The following NAA16 variants were observed in gnomAD, a reference collection of about 807,000 sequenced individuals.
NAA16 encodes NARG1-like protein.
Under a neutral mutation model 110.3 loss-of-function variants are expected in NAA16, and 97 were observed. The ratio of observed to expected loss-of-function variants is 0.88; its 90% CI spans 0.75 to 1.04. The LOEUF is 1.04. Among genes scored for constraint, NAA16 ranks in the 50% least tolerant of loss-of-function variants. The pLI, the probability that NAA16 is intolerant of heterozygous loss-of-function variation, is 0.00. For missense variants in NAA16, 1,017 were observed against 1,005.1 expected (o/e 1.01, Z -0.16); for synonymous variants, 372 against 330.6 (o/e 1.13, Z -1.36).
chr13:41,322,534 C>T (rs1242126545), intron 4 of NAA16, among the ~76,000 whole-genome samples: 1 of 151,956 alleles, frequency 6.6e-6, no homozygotes, highest in African/African-American at 2.4e-5. Flanking sequence ...CAAGAGTTGG[C>T]AGAGAAAATA....
chr13:41,366,946 G>T (rs1452819098), intron 13 of NAA16, among the ~76,000 whole-genome samples: 1 of 152,114 alleles, frequency 6.6e-6, no homozygotes, highest in Admixed American at 6.5e-5. Flanking sequence ...CTGAATGTCT[G>T]CTATGTATTA....
intron 9 of NAA16, among the ~76,000 whole-genome samples, chr13:41,349,015 A>G (rs916482022): frequency 6.6e-6 from 1 of 151,842 alleles, no homozygotes; most frequent in African/African-American, 2.4e-5. Context: ...AGTGTTCTCT[A>G]TTTTTTACTT....
At position 41,376,774 on chromosome 13, in the gene NAA16, G is replaced by A. The variant is rs1388346251; in HGVS notation, c.*1172G>A. 1 of 152,146 alleles carries A rather than the reference G, an allele frequency of 6.6e-6. No homozygotes were observed. Among genetic ancestry groups the A allele is most frequent in the African/African-American group, 2.4e-5 (1 of 41,426 alleles). The allele number at this position is 152,146 out of a possible 1,614,324, so 9.4% of individuals were successfully genotyped here. ...GTTAAACAGTATTTTTTGGGGGCGGGTGGATAGCTTTTTGTTCTATCTTGT... is the reference window on the plus strand; with the variant it reads ...GTTAAACAGTATTTTTTGGGGGCGGATGGATAGCTTTTTGTTCTATCTTGT... On this transcript the variant is annotated 3_prime_UTR_variant, in exon 20 of 20. Transcript: ENST00000379406.
intron 14 of NAA16, 28 bp from the exon 15 acceptor site, chr13:41,369,062 A>G: frequency 6.5e-7 from 1 of 1,541,750 alleles, no homozygotes; most frequent in Non-Finnish European, 8.7e-7. Flanking sequence ...ACATTGGCTC[A>G]GAATTTTGTT....
chr13:41,358,957 A>T lies in NAA16; in HGVS notation c.1405A>T (p.Thr469Ser). The T allele has an allele frequency of 6.2e-7, 1 of 1,604,862 alleles. No homozygotes were observed. The highest frequency in any genetic ancestry group is 8.5e-7 in the Non-Finnish European group (1 of 1,173,708). Residue 469 changes from threonine (T) to serine (S), a missense_variant, in exon 12 of 20, where the codon ACA (threonine) becomes TCA (serine). Physicochemically the swap from Thr to Ser is moderately conservative, Grantham distance 58. Coordinates refer to ENST00000379406, the MANE Select transcript of NAA16 (RefSeq NM_024561.5). Reference sequence around the variant, plus strand: ...AGCAGAGGAAATGTGCTCCAAGTTCACAAGGGTAGGAAATAGCATGCATGA... The same window carrying T: ...AGCAGAGGAAATGTGCTCCAAGTTCTCAAGGGTAGGAAATAGCATGCATGA... ...KEAEEMCSKF[T>S]REGTSAMENL...
At chr13:41,323,627 C>G (rs2042006542) in intron 5 of NAA16, among the ~76,000 whole-genome samples, 1 of 151,838 alleles carries the variant, frequency 6.6e-6, no homozygotes, top group Non-Finnish European at 1.5e-5. Context: ...GCTGGGATTA[C>G]AGGCGTGAGC....
chr13:41,372,816 G>A lies in NAA16; in HGVS notation c.2141G>A (p.Arg714Lys). 1 of 1,579,600 alleles carries A rather than the reference G, an allele frequency of 6.3e-7. No individual in the cohort carries two copies. Among genetic ancestry groups the A allele is most frequent in the Non-Finnish European group, 8.6e-7 (1 of 1,158,916 alleles). The change falls in exon 17 of 20, where the codon AGA (arginine) becomes AAA (lysine). Residue 714 changes from arginine (R) to lysine (K), a missense_variant. By Grantham distance (26) the Arg-to-Lys change is conservative. Transcript: ENST00000379406. ...CCATGGTTACATGAATGTTTAATTA[G>A]ATTTTCTAAATCTGGTAAGTATAAA... ...NNPWLHECLI[R>K]FSKSVSNHSN...
intron 13 of NAA16, among the ~76,000 whole-genome samples, chr13:41,364,044 A>G (rs2043163500): frequency 2.0e-5 from 3 of 150,200 alleles, no homozygotes; most frequent in African/African-American, 7.4e-5. Flanking sequence ...TTTCTAATCT[A>G]AAATTCTTAA....
chr13:41,330,869 G>A (rs938928915), intron 7 of NAA16, among the ~76,000 whole-genome samples: 1 of 151,892 alleles, frequency 6.6e-6, no homozygotes, highest in African/African-American at 2.4e-5. Context: ...GGCTTTTATG[G>A]GGATATATGT....
intron 7 of NAA16, among the ~76,000 whole-genome samples, chr13:41,330,898 G>A (rs562761181): frequency 1.3e-5 from 2 of 152,086 alleles, no homozygotes; most frequent in African/African-American, 2.4e-5. Flanking sequence ...TTGATTCAGC[G>A]TGTTTACGTA....
chr13:41,352,732 G>C (rs986188321), intron 9 of NAA16, among the ~76,000 whole-genome samples: 1 of 152,042 alleles, frequency 6.6e-6, no homozygotes, highest in African/African-American at 2.4e-5. Flanking sequence ...AGTCCCCTTT[G>C]TTGTTTTTTT....
intron 1 of NAA16, among the ~76,000 whole-genome samples, chr13:41,316,573 G>A (rs553160600): frequency 4.5e-4 from 68 of 152,152 alleles, no homozygotes; most frequent in African/African-American, 1.5e-3. Context: ...CCAAAGTGCT[G>A]GAATTACAAG....
Position 41,354,253 on chromosome 13 carries a change from C to T in NAA16, c.1015-891C>T, listed in dbSNP as rs542331221. On this transcript the variant is annotated intron_variant, in intron 9 of 19. Coordinates refer to ENST00000379406, the MANE Select transcript of NAA16 (RefSeq NM_024561.5). ...TGTTTTGACTAGTGTCTAGGATGAT[C>T]AGTGGTTTCATGGACACTGTCCTGT... Among the ~76,000 whole-genome samples, 4 of 152,316 alleles carry T rather than the reference C, an allele frequency of 2.6e-5. No individual in the cohort carries two copies. In the South Asian group the frequency reaches 8.3e-4, roughly 32 times the overall value.
In NAA16 at chr13:41,319,583, C is replaced by T. The variant is rs1228856380; in HGVS notation, c.244+673C>T. 2.6e-5 allele frequency among the ~76,000 whole-genome samples: 4 copies of T among 152,052 alleles called. No individual in the cohort carries two copies. The East Asian group carries it at 7.7e-4, about 29-fold the overall frequency. ...CCAGGCTAGAGTGCAGTGGCATGAT[C>T]TAGGCTTACTGCAACCTCCACCTCT... is the stretch of plus-strand genomic sequence containing the variant. On this transcript the variant is annotated intron_variant, in intron 3 of 19. Coordinates refer to ENST00000379406, the MANE Select transcript of NAA16 (RefSeq NM_024561.5).
chr13:41,362,316 A>G (rs2043128953), intron 13 of NAA16, 157 bp downstream of exon 13: 1 of 681,102 alleles, frequency 1.5e-6, no homozygotes. Flanking sequence ...GTTGTAAACA[A>G]TGGATTGCTT....
At chr13:41,374,886 C>A in intron 19 of NAA16, 47 bp downstream of exon 19, 1 of 1,126,240 alleles carries the variant, frequency 8.9e-7, no homozygotes, top group African/African-American at 1.6e-5. Flanking sequence ...AGTGATCTAA[C>A]AAAACGTGTC....
intron 19 of NAA16, among the ~76,000 whole-genome samples, 200 bp from the exon 20 acceptor site, chr13:41,375,205 T>C (rs1050496498): frequency 1.1e-4 from 17 of 152,230 alleles, no homozygotes; most frequent in Admixed American, 5.9e-4. Flanking sequence ...TTTGCAGTTA[T>C]TAGAATTTTA....
Position 41,325,818 on chromosome 13 carries a change from A to G in NAA16, c.658A>G (p.Ile220Val). ...LEHIEMYEKQ[I>V]CDKLLVEEIK... ...ACATATAGAAATGTATGAGAAACAA[A>G]TATGTGATAAACTTTTGGTGGAAGA... The change falls in exon 6 of 20, where the codon ATA becomes GTA. Residue 220 changes from isoleucine to valine, a missense_variant. Ile to Val is a conservative substitution (Grantham distance 29, BLOSUM62 3). Coordinates refer to ENST00000379406, the MANE Select transcript of NAA16 (RefSeq NM_024561.5). 6.2e-7 allele frequency: 1 copy of G among 1,608,120 alleles called. No individual in the cohort carries two copies. Among genetic ancestry groups the G allele is most frequent in the Non-Finnish European group, 8.5e-7 (1 of 1,177,484 alleles).
intron 15 of NAA16, among the ~76,000 whole-genome samples, chr13:41,371,511 C>T (rs2043316699): frequency 6.6e-6 from 1 of 152,156 alleles, no homozygotes; most frequent in African/African-American, 2.4e-5. Flanking sequence ...CTTCAGCCTA[C>T]CCAACATGAA....
Sources: allele counts gnomAD v4.1 joint callset (sites outside exome capture counted in the v4.1 genomes callset), GRCh38; gene constraint gnomAD v4.1.1; transcripts MANE v1.5; gene names NCBI Gene and HGNC (gene_info 2026-07-23, HGNC 2026-07-21).